RBMS3: variants seen among roughly 807,000 people sequenced by gnomAD.
RBMS3 encodes the protein RNA-binding motif, single-stranded-interacting protein 3.
RBMS3 carries 27 observed loss-of-function variants against 66.8 expected under a neutral mutation model. That is an observed-to-expected ratio of 0.40 (90% confidence interval 0.30 to 0.56). The LOEUF (loss-of-function observed/expected upper bound fraction) is 0.56, where lower values mean the gene tolerates loss of function less well. Among genes scored for constraint, RBMS3 ranks in the 20% least tolerant of loss-of-function variants. The pLI is 0.40. For synonymous variants in RBMS3, 188 were observed against 183.0 expected, an observed-to-expected ratio of 1.03 and a Z score of -0.22; for missense variants, 513 against 549.5, an observed-to-expected ratio of 0.93 and a Z score of 0.66.
intron 1 of RBMS3, among the ~76,000 whole-genome samples, chr3:29,288,161 G>A (rs955115362): frequency 6.6e-6 from 1 of 151,958 alleles, no homozygotes; most frequent in Non-Finnish European, 1.5e-5. Flanking sequence ...TTGGTTTCTA[G>A]GTTGGGTTCC....
chr3:29,720,488 C>A (rs1176384536), intron 4 of RBMS3, among the ~76,000 whole-genome samples: 1 of 151,930 alleles, frequency 6.6e-6, no homozygotes, highest in Non-Finnish European at 1.5e-5. Flanking sequence ...AGGAAGTGAA[C>A]TTATTAGTCT....
At chr3:29,708,778 T>A (rs2053025213) in intron 4 of RBMS3, among the ~76,000 whole-genome samples, 1 of 152,190 alleles carries the variant, frequency 6.6e-6, no homozygotes, top group South Asian at 2.1e-4. Flanking sequence ...TATCTAACTT[T>A]GGCAGTATTG....
At chr3:29,961,001 T>C (rs138576017) in intron 12 of RBMS3, among the ~76,000 whole-genome samples, 262 of 152,324 alleles carry the variant, frequency 1.7e-3, no homozygotes, top group African/African-American at 5.6e-3. Context: ...TCATTACTTA[T>C]GCAATTTTCT....
chr3:29,345,579 G>A (rs2036525940), intron 1 of RBMS3, among the ~76,000 whole-genome samples: 1 of 152,176 alleles, frequency 6.6e-6, no homozygotes. Context: ...TGTCATAGGA[G>A]ACAGCTCTTT....
chr3:29,460,599 G>C (rs189828783), intron 2 of RBMS3, among the ~76,000 whole-genome samples: 182 of 152,320 alleles, frequency 1.2e-3, no homozygotes, highest in African/African-American at 4.3e-3. Flanking sequence ...ACAACATGAA[G>C]AGCTTACATA....
chr3:29,679,547 C>A (rs558904920), intron 4 of RBMS3, among the ~76,000 whole-genome samples: 69 of 151,906 alleles, frequency 4.5e-4, no homozygotes, highest in African/African-American at 1.6e-3. Flanking sequence ...TTTTTCAGTT[C>A]CCTGTTTGTA....
intron 1 of RBMS3, among the ~76,000 whole-genome samples, chr3:29,286,377 T>C (rs1319279767): frequency 6.6e-6 from 1 of 152,124 alleles, no homozygotes; most frequent in Admixed American, 6.6e-5. Context: ...CTATTTTTTT[T>C]CCATGATATA....
chr3:29,427,087 G>A (rs143386408), intron 1 of RBMS3, among the ~76,000 whole-genome samples: 222 of 152,326 alleles, frequency 1.5e-3, no homozygotes, highest in African/African-American at 5.0e-3. Context: ...AGTTGATAGA[G>A]AATATTCAAA....
intron 3 of RBMS3, among the ~76,000 whole-genome samples, chr3:29,559,017 A>G (rs1215825903): frequency 6.6e-6 from 1 of 152,212 alleles, no homozygotes; most frequent in Admixed American, 6.5e-5. Context: ...ACAATATTGC[A>G]TAGATAAGTC....
intron 3 of RBMS3, among the ~76,000 whole-genome samples, chr3:29,535,710 CTTT>C (rs149022808): frequency 0.014 from 565 of 39,484 alleles, no homozygotes; most frequent in Middle Eastern, 0.038. Context: ...GATCATTGCT[CTTT>C]TTTTTTTTTT....
At chr3:29,694,933 C>A (rs892537193) in intron 4 of RBMS3, among the ~76,000 whole-genome samples, 4 of 152,032 alleles carry the variant, frequency 2.6e-5, no homozygotes, top group Non-Finnish European at 5.9e-5. Context: ...TAAGCAGACA[C>A]ATTCCTGGTG....
chr3:29,864,946 A>G (rs2059315265), intron 6 of RBMS3, among the ~76,000 whole-genome samples: 1 of 95,616 alleles, frequency 1.0e-5, no homozygotes, highest in Non-Finnish European at 2.0e-5. Context: ...GAGAGGAAGG[A>G]GGGAAGGAAG....
chr3:29,727,970 A>C (rs980021098), intron 4 of RBMS3, among the ~76,000 whole-genome samples: 1 of 152,244 alleles, frequency 6.6e-6, no homozygotes, highest in African/African-American at 2.4e-5. Flanking sequence ...ATGTCCATCA[A>C]TGATAGACTG....
chr3:29,991,014 A>G, intron 13 of RBMS3, 68 bp from the exon 14 acceptor site: 1 of 1,498,482 alleles, frequency 6.7e-7, no homozygotes, highest in Non-Finnish European at 9.2e-7. Flanking sequence ...AGGGGTACTT[A>G]CAGCCTATCT....
At chr3:29,814,723 T>C (rs181184727) in intron 6 of RBMS3, among the ~76,000 whole-genome samples, 12 of 152,290 alleles carry the variant, frequency 7.9e-5, no homozygotes, top group Admixed American at 2.0e-4. Flanking sequence ...AGTGTATGTG[T>C]TGAGGAATTT....
At chr3:29,546,457 A>G (rs78610798) in intron 3 of RBMS3, among the ~76,000 whole-genome samples, 7,162 of 152,240 alleles carry the variant, frequency 0.047, 212 homozygotes, top group South Asian at 0.1. Context: ...GTACACATGA[A>G]AAATGGTTAA....
chr3:29,859,063 T>C (rs1372784124), intron 6 of RBMS3, among the ~76,000 whole-genome samples: 1 of 152,214 alleles, frequency 6.6e-6, no homozygotes, highest in Non-Finnish European at 1.5e-5. Context: ...GCATGAAAAT[T>C]ACATTTTTTC....
At chr3:29,669,077 CCCCACG>C (rs1435433170) in intron 4 of RBMS3, among the ~76,000 whole-genome samples, 1 of 152,202 alleles carries the variant, frequency 6.6e-6, no homozygotes, top group Admixed American at 6.5e-5. Context: ...AATGGAGGTG[CCCCACG>C]CCCTCTGGGT....
chr3:29,503,901 G>T (rs7623650), intron 3 of RBMS3, among the ~76,000 whole-genome samples: 20,080 of 152,010 alleles, frequency 0.13, 1,972 homozygotes, highest in African/African-American at 0.27. Flanking sequence ...TTTGAATTTT[G>T]GGGAGAAGCT....
Sources: allele counts gnomAD v4.1 joint callset (sites outside exome capture counted in the v4.1 genomes callset), GRCh38; gene constraint gnomAD v4.1.1; transcripts MANE v1.5; gene names NCBI Gene and HGNC (gene_info 2026-07-23, HGNC 2026-07-21).